GPC5: variants seen among roughly 807,000 people sequenced by gnomAD.
GPC5 encodes the protein glypican 5.
In GPC5, 47 loss-of-function variants were observed where a neutral mutation model predicts 53.9. The ratio of observed to expected loss-of-function variants is 0.87; its 90% CI spans 0.69 to 1.11. GPC5 has a LOEUF of 1.11. Among genes scored for constraint, GPC5 ranks in the 50% most tolerant of loss-of-function variants. GPC5 has a pLI of 0.00. For missense variants in GPC5, 748 were observed against 713.1 expected (o/e 1.05, Z -0.56); for synonymous variants, 286 against 263.3 (o/e 1.09, Z -0.84).
intron 7 of GPC5, among the ~76,000 whole-genome samples, chr13:92,314,710 C>G (rs1184024600): frequency 1.3e-5 from 2 of 152,194 alleles, no homozygotes; most frequent in Non-Finnish European, 2.9e-5. Flanking sequence ...ACATTAAATT[C>G]TGCAGATGAA....
At chr13:91,828,860 A>T (rs1326300776) in intron 5 of GPC5, among the ~76,000 whole-genome samples, 1 of 152,086 alleles carries the variant, frequency 6.6e-6, no homozygotes, top group Non-Finnish European at 1.5e-5. Context: ...ATGTACAAAA[A>T]AGAAGAGGTT....
chr13:92,649,026 C>A (rs1885863129), intron 7 of GPC5, among the ~76,000 whole-genome samples: 1 of 152,068 alleles, frequency 6.6e-6, no homozygotes, highest in African/African-American at 2.4e-5. Flanking sequence ...TAATAGTCAC[C>A]TTTAAAGCTG....
At chr13:91,652,116 G>GA (rs2034726666) in intron 2 of GPC5, among the ~76,000 whole-genome samples, 1 of 152,036 alleles carries the variant, frequency 6.6e-6, no homozygotes, top group African/African-American at 2.4e-5. Flanking sequence ...CCTAGTGGAT[G>GA]CCTGAAACCT....
rs372686764 is a variant in GPC5, at chr13:92,333,389, G to A, written c.1561+188400G>A. On this transcript the variant is annotated intron_variant, in intron 7 of 7. Transcript: ENST00000377067. ...TGGGTTTTATCAGAACCTAGGGGAA[G>A]GGAAATGCCCAATTTCAGCCACTTG... is the stretch of plus-strand genomic sequence containing the variant. Among the ~76,000 whole-genome samples, 5 of 152,126 alleles carry A rather than the reference G, an allele frequency of 3.3e-5. No homozygotes were observed. In the East Asian group the frequency reaches 9.6e-4, roughly 29 times the overall value.
intron 4 of GPC5, among the ~76,000 whole-genome samples, chr13:91,737,358 CT>C (rs2036838040): frequency 6.6e-6 from 1 of 151,286 alleles, no homozygotes; most frequent in Non-Finnish European, 1.5e-5. Flanking sequence ...CTCAGGTATC[CT>C]TTTTTAAAAT....
chr13:92,165,976 G>A (rs780840354), intron 7 of GPC5, among the ~76,000 whole-genome samples: 4 of 152,144 alleles, frequency 2.6e-5, no homozygotes, highest in Non-Finnish European at 5.9e-5. Context: ...CAAGAATAAC[G>A]TTAGGATTGT....
intron 7 of GPC5, among the ~76,000 whole-genome samples, chr13:92,652,247 T>G: frequency 6.6e-6 from 1 of 152,352 alleles, no homozygotes; most frequent in East Asian, 1.9e-4. Context: ...GCTACCAAGC[T>G]TTCCTTAATC....
chr13:92,527,151 AGAAAGAAAGAAAGAAAGAAAGAG>A (rs1881332222), intron 7 of GPC5, among the ~76,000 whole-genome samples: 2 of 127,804 alleles, frequency 1.6e-5, no homozygotes, highest in African/African-American at 5.9e-5. Context: ...AAAGAAAGAA[AGAAAGAAAGAAAGAAAGAAAGAG>A]AAAGAAAGAA....
intron 7 of GPC5, among the ~76,000 whole-genome samples, chr13:92,472,562 G>A (rs1297775289): frequency 6.6e-6 from 1 of 152,076 alleles, no homozygotes; most frequent in African/African-American, 2.4e-5. Flanking sequence ...CAGAGCCTAG[G>A]AGAGTAGGGT....
At chr13:92,216,214 C>T (rs1189105294) in intron 7 of GPC5, among the ~76,000 whole-genome samples, 1 of 152,180 alleles carries the variant, frequency 6.6e-6, no homozygotes, top group Non-Finnish European at 1.5e-5. Context: ...ACACAAAATA[C>T]TGTAAGTGCA....
At chr13:91,847,219 CAAAAA>C (rs58401616) in intron 5 of GPC5, among the ~76,000 whole-genome samples, 2 of 86,028 alleles carry the variant, frequency 2.3e-5, no homozygotes, top group Non-Finnish European at 2.2e-5. Flanking sequence ...GACTCCATCT[CAAAAA>C]AAAAAAAAAA....
chr13:92,664,194 G>A (rs1886491852), intron 7 of GPC5, among the ~76,000 whole-genome samples: 1 of 151,952 alleles, frequency 6.6e-6, no homozygotes, highest in Admixed American at 6.6e-5. Context: ...CTAGTCTGGA[G>A]AATGAATCAT....
At chr13:92,198,854 G>A (rs1593986990) in intron 7 of GPC5, among the ~76,000 whole-genome samples, 1 of 152,074 alleles carries the variant, frequency 6.6e-6, no homozygotes, top group East Asian at 1.9e-4. Flanking sequence ...AAAATGAGAA[G>A]GAAAATGGTG....
intron 6 of GPC5, among the ~76,000 whole-genome samples, chr13:92,071,659 C>T (rs2041212066): frequency 1.3e-5 from 2 of 151,944 alleles, no homozygotes; most frequent in South Asian, 4.2e-4. Flanking sequence ...TGATGCTTAT[C>T]CTTCTGCTAA....
intron 7 of GPC5, among the ~76,000 whole-genome samples, chr13:92,651,128 CCTTGTGAT>C: frequency 6.6e-6 from 1 of 151,958 alleles, no homozygotes; most frequent in East Asian, 2.0e-4. Context: ...TACTATGGGA[CCTTGTGAT>C]CTTGTGAGCT....
chr13:92,284,153 T>A (rs1266234315), intron 7 of GPC5, among the ~76,000 whole-genome samples: 2 of 152,120 alleles, frequency 1.3e-5, no homozygotes, highest in Admixed American at 6.5e-5. Context: ...AATGGACAAA[T>A]TCTTGGACAC....
intron 7 of GPC5, among the ~76,000 whole-genome samples, chr13:92,585,894 C>A (rs1219887920): frequency 6.6e-6 from 1 of 152,114 alleles, no homozygotes; most frequent in African/African-American, 2.4e-5. Flanking sequence ...TTCATCCTTG[C>A]CATCTGCCAT....
intron 7 of GPC5, among the ~76,000 whole-genome samples, chr13:92,148,127 A>T (rs2041881533): frequency 6.6e-6 from 1 of 152,104 alleles, no homozygotes; most frequent in Admixed American, 6.6e-5. Context: ...AGTCTGACTA[A>T]ATTTAAAGTT....
At chr13:91,947,617 T>A (rs528057517) in intron 6 of GPC5, among the ~76,000 whole-genome samples, 8 of 152,332 alleles carry the variant, frequency 5.3e-5, no homozygotes, top group African/African-American at 1.9e-4. Context: ...TCTTGCTGCC[T>A]AATGTGCTAG....
Sources: allele counts gnomAD v4.1 joint callset (sites outside exome capture counted in the v4.1 genomes callset), GRCh38; gene constraint gnomAD v4.1.1; transcripts MANE v1.5; gene names NCBI Gene and HGNC (gene_info 2026-07-23, HGNC 2026-07-21).